Variants in NALF1 observed in about 807,000 individuals in gnomAD.
NALF1 encodes the protein NALCN channel auxiliary factor 1, also known as family with sequence similarity 155 member A.
In NALF1, 3 loss-of-function variants were observed where a neutral mutation model predicts 48.4. The ratio of observed to expected loss-of-function variants is 0.06; its 90% confidence interval spans 0.03 to 0.16. NALF1 has a LOEUF of 0.16. Among genes scored for constraint, NALF1 ranks in the 10% least tolerant of loss-of-function variants. The pLI is 1.00. For synonymous variants in NALF1, 262 were observed against 245.7 expected (o/e 1.07, Z -0.62); for missense variants, 526 against 571.5 (o/e 0.92, Z 0.81).
intron 2 of NALF1, among the ~76,000 whole-genome samples, chr13:107,194,008 T>TTATCTATC (rs71772534): frequency 1.5e-3 from 209 of 138,990 alleles, no homozygotes; most frequent in East Asian, 2.1e-3. Flanking sequence ...CCTATCTATC[T>TTATCTATC]TATCTATCTA....
rs71121513 is a variant in NALF1, at chr13:107,267,982, ATTTTT to A, written c.916-57232_916-57228del. On this transcript the variant is annotated intron_variant, in intron 1 of 2. Coordinates refer to ENST00000375915, the MANE Select transcript of NALF1 (RefSeq NM_001080396.3). ...AACACATGAATTGTTTTTTTCTGGA[ATTTTT>A]TTTTTTTTTTTTTTTTTTGAGATGG... Among the ~76,000 whole-genome samples the A allele has an allele frequency of 7.3e-4, 70 of 95,888 alleles. 1 individual carries two copies. The highest frequency in any genetic ancestry group is 2.2e-3 in the African/African-American group (50 of 22,628). 62.9% of individuals were successfully genotyped at this position (95,888 alleles called of 152,430 possible). A position where few individuals can be genotyped will look rare whatever the true frequency, so the allele number is the denominator to read the frequency against.
intron 1 of NALF1, among the ~76,000 whole-genome samples, chr13:107,770,057 C>T (rs1346967925): frequency 6.6e-6 from 1 of 152,080 alleles, no homozygotes; most frequent in Non-Finnish European, 1.5e-5. Context: ...GGACTACAGG[C>T]ACCCGCCACC....
chr13:107,867,296 C>CT lies in NALF1; in HGVS notation c.-701dup, dbSNP rs1226967610. Among the ~76,000 whole-genome samples the CT allele has an allele frequency of 2.2e-4, 13 of 59,896 alleles. No individual in the cohort carries two copies. The highest frequency in any genetic ancestry group is 4.4e-4 in the Non-Finnish European group (12 of 27,156). 39.3% of individuals were successfully genotyped at this position (59,896 alleles called of 152,430 possible). A position where few individuals can be genotyped will look rare whatever the true frequency, so the allele number is the denominator to read the frequency against. On this transcript the variant is annotated 5_prime_UTR_variant, in exon 1 of 3. An upstream open reading frame in the 5' UTR loses its in-frame stop. Transcript: ENST00000375915. The surrounding 1 kb of genome is among the most constrained non-coding windows in gnomAD (Gnocchi z 4.4). ...TCCCCCCCACCCCCCACCCCGCGCTCTAAGTGCTGCCGCCGCCGCCGCCGC... is the reference window on the plus strand; with the variant it reads ...TCCCCCCCACCCCCCACCCCGCGCTCTTAAGTGCTGCCGCCGCCGCCGCCGC...
chr13:107,294,016 C>A (rs554543393), intron 1 of NALF1, among the ~76,000 whole-genome samples: 2 of 152,136 alleles, frequency 1.3e-5, no homozygotes, highest in Non-Finnish European at 2.9e-5. Context: ...TCTCTAGATG[C>A]GGAGAGCACT....
chr13:107,388,468 C>T (rs929102912), intron 1 of NALF1, among the ~76,000 whole-genome samples: 1 of 152,124 alleles, frequency 6.6e-6, no homozygotes, highest in African/African-American at 2.4e-5. Context: ...CCAACACTGC[C>T]TCTTTTTGAA....
At chr13:107,625,979 G>A (rs1879662420) in intron 1 of NALF1, among the ~76,000 whole-genome samples, 1 of 151,886 alleles carries the variant, frequency 6.6e-6, no homozygotes, top group African/African-American at 2.4e-5. Flanking sequence ...GCATTTGCTG[G>A]GCTCAATAAT....
At chr13:107,760,136 A>C (rs563148713) in intron 1 of NALF1, among the ~76,000 whole-genome samples, 1 of 152,356 alleles carries the variant, frequency 6.6e-6, no homozygotes, top group Non-Finnish European at 1.5e-5. Context: ...TTGCTGTCCA[A>C]GCTCAGGACA....
intron 1 of NALF1, among the ~76,000 whole-genome samples, chr13:107,687,474 AAAAG>A (rs1156840070): frequency 2.2e-5 from 3 of 139,442 alleles, no homozygotes; most frequent in African/African-American, 5.3e-5. Context: ...GAAAAAAAAA[AAAAG>A]AAAGAAATTG....
intron 1 of NALF1, among the ~76,000 whole-genome samples, chr13:107,291,143 A>C (rs1200034323): frequency 1.3e-5 from 2 of 151,644 alleles, no homozygotes; most frequent in Non-Finnish European, 2.9e-5. Context: ...TAGTTCAAAT[A>C]TACAATCAAA....
intron 1 of NALF1, among the ~76,000 whole-genome samples, chr13:107,409,439 G>C (rs1883952500): frequency 6.6e-6 from 1 of 152,186 alleles, no homozygotes; most frequent in South Asian, 2.1e-4. Flanking sequence ...GATCCGGCCT[G>C]TTAGAGAGAA....
At chr13:107,461,707 C>T (rs182674307) in intron 1 of NALF1, among the ~76,000 whole-genome samples, 14 of 152,158 alleles carry the variant, frequency 9.2e-5, no homozygotes, top group Admixed American at 7.8e-4. Context: ...TGGCATATAC[C>T]GTAGGTCTAG....
intron 1 of NALF1, among the ~76,000 whole-genome samples, chr13:107,228,125 G>A (rs1179021196): frequency 6.6e-6 from 1 of 152,142 alleles, no homozygotes; most frequent in Non-Finnish European, 1.5e-5. Flanking sequence ...TTGTATCAAT[G>A]GAGGTTAATC....
chr13:107,644,638 C>CATATATAT (rs1170442694), intron 1 of NALF1, among the ~76,000 whole-genome samples: 11 of 43,386 alleles, frequency 2.5e-4, no homozygotes, highest in African/African-American at 4.5e-4. Context: ...TACATACATA[C>CATATATAT]ATACATACAT....
In NALF1 at chr13:107,362,547, C is replaced by A. The variant is rs760783012; in HGVS notation, c.916-151792G>T. On this transcript the variant is annotated intron_variant, in intron 1 of 2. Coordinates refer to ENST00000375915, the MANE Select transcript of NALF1 (RefSeq NM_001080396.3). This position sits in a 1 kb window ranked among gnomAD's most constrained non-coding sequence, Gnocchi z 4.6. ...GTGTGTCCTCGTCGCGGGGCATTCT[C>A]CTCTCCTTATATCAGACACCAGTCA... Among the ~76,000 whole-genome samples the A allele has an allele frequency of 2.0e-5, 3 of 152,154 alleles. No individual in the cohort carries two copies. The highest frequency in any genetic ancestry group is 4.4e-5 in the Non-Finnish European group (3 of 68,024).
Position 107,248,937 on chromosome 13 carries a change from C to CAT in NALF1, c.916-38184_916-38183dup, listed in dbSNP as rs5806636. 1.2e-4 allele frequency among the ~76,000 whole-genome samples: 18 copies of CAT among 147,020 alleles called. No individual in the cohort carries two copies. The East Asian group carries it at 1.6e-3, about 13-fold the overall frequency. ...TTTCTGGAGAGTTGATTTAAGATAA[C>CAT]ATATATATATATTTGTACACACACA... On this transcript the variant is annotated intron_variant, in intron 1 of 2. Transcript: ENST00000375915.
chr13:107,729,887 T>C lies in NALF1; in HGVS notation c.915+135795A>G, dbSNP rs906527317. 2.6e-5 allele frequency among the ~76,000 whole-genome samples: 4 copies of C among 152,356 alleles called. No individual in the cohort carries two copies. The South Asian group carries it at 8.3e-4, about 32-fold the overall frequency. ...TAGTTATTTATTAGATGGACCTTGA[T>C]AGATATATGCCTAGAAGAAATGACT... On this transcript the variant is annotated intron_variant, in intron 1 of 2. Transcript: ENST00000375915.
At chr13:107,292,757 A>G (rs1881647752) in intron 1 of NALF1, among the ~76,000 whole-genome samples, 1 of 152,212 alleles carries the variant, frequency 6.6e-6, no homozygotes, top group Non-Finnish European at 1.5e-5. Context: ...TATATTCTAA[A>G]ATGATGAAAA....
chr13:107,514,906 A>G (rs1336453364), intron 1 of NALF1, among the ~76,000 whole-genome samples: 1 of 152,204 alleles, frequency 6.6e-6, no homozygotes, highest in African/African-American at 2.4e-5. Context: ...CAGAGAATAG[A>G]GCAGATCTGA....
intron 1 of NALF1, among the ~76,000 whole-genome samples, chr13:107,775,900 C>A (rs1485239598): frequency 1.3e-5 from 2 of 152,214 alleles, no homozygotes; most frequent in Non-Finnish European, 2.9e-5. Context: ...CCAAGCTAGG[C>A]TGTCAGAGCA....
Sources: allele counts gnomAD v4.1 joint callset (sites outside exome capture counted in the v4.1 genomes callset), GRCh38; gene constraint gnomAD v4.1.1; non-coding constraint Gnocchi (gnomAD v3.1); transcripts MANE v1.5; gene names NCBI Gene and HGNC (gene_info 2026-07-23, HGNC 2026-07-21).